Variants in CSMD1 observed in about 807,000 individuals in gnomAD.
The protein encoded by CSMD1 is CUB and Sushi multiple domains 1.
CSMD1 carries 213 observed loss-of-function variants against 417.5 expected under a neutral mutation model. That is an observed-to-expected ratio of 0.51 (90% CI 0.46 to 0.57). CSMD1 has a LOEUF of 0.57. Ranked by LOEUF, CSMD1 falls within the 20% of genes least tolerant of loss-of-function variation. The pLI is 0.00. For missense variants in CSMD1, 6,923 were observed against 4,529.7 expected (o/e 1.53, Z -15.17); for synonymous variants, 2,862 against 1,736.8 (o/e 1.65, Z -16.11).
Position 4,894,869 on chromosome 8 carries a change from T to C in CSMD1, c.85+99463A>G, listed in dbSNP as rs190465557. Among the ~76,000 whole-genome samples the C allele has an allele frequency of 3.1e-4, 47 of 152,266 alleles. No homozygotes were observed. In the East Asian group the frequency reaches 8.3e-3, roughly 27 times the overall value. On this transcript the variant is annotated intron_variant, in intron 1 of 69. Transcript: ENST00000635120. ...TATTAAGGTTCTCTGTGTGACTTTA[T>C]ATGTTATTGTTCATGAATCCTTGCC...
At chr8:4,494,462 T>A (rs1030809191) in intron 2 of CSMD1, among the ~76,000 whole-genome samples, 2 of 152,226 alleles carry the variant, frequency 1.3e-5, no homozygotes, top group Non-Finnish European at 2.9e-5. Context: ...AACATTATTA[T>A]ACTTTCATGT....
intron 6 of CSMD1, among the ~76,000 whole-genome samples, chr8:3,745,106 T>C (rs1362013605): frequency 1.3e-5 from 2 of 152,230 alleles, no homozygotes; most frequent in Non-Finnish European, 2.9e-5. Flanking sequence ...GCCCTAGATA[T>C]GTGTCTTGAG....
intron 47 of CSMD1, among the ~76,000 whole-genome samples, chr8:3,093,763 A>T (rs1815110502): frequency 6.6e-6 from 1 of 152,134 alleles, no homozygotes; most frequent in African/African-American, 2.4e-5. Flanking sequence ...CGAACAAAAA[A>T]CCACAAACCA....
At chr8:4,234,265 G>A (rs1056731206) in intron 3 of CSMD1, among the ~76,000 whole-genome samples, 3 of 152,178 alleles carry the variant, frequency 2.0e-5, no homozygotes, top group Non-Finnish European at 4.4e-5. Flanking sequence ...GAATGAACAA[G>A]ACTTACACGA....
intron 41 of CSMD1, chr8:3,127,621 C>T (rs551761814): frequency 6.6e-6 from 1 of 152,212 alleles, no homozygotes; most frequent in African/African-American, 2.4e-5. Context: ...AGATTTAACA[C>T]ATTCGATTAT....
chr8:3,397,225 G>C (rs528446524), intron 16 of CSMD1, among the ~76,000 whole-genome samples: 2 of 152,186 alleles, frequency 1.3e-5, no homozygotes, highest in Non-Finnish European at 2.9e-5. Flanking sequence ...AGCGTCATAA[G>C]ACTCTGACTC....
rs111301421 is a variant in CSMD1, at chr8:3,952,356, T to G, written c.818+45547A>C. Reference sequence around the variant, plus strand: ...ATAGAATAATTCAACCATCTTCTGTTGAACCAAACATAAAATAGATTTAAT... The same window carrying G: ...ATAGAATAATTCAACCATCTTCTGTGGAACCAAACATAAAATAGATTTAAT... On this transcript the variant is annotated intron_variant, in intron 5 of 69. Coordinates refer to ENST00000635120, the MANE Select transcript of CSMD1 (RefSeq NM_033225.6). Among the ~76,000 whole-genome samples, 1,379 of 152,312 alleles carry G rather than the reference T, an allele frequency of 9.1e-3. 17 individuals are homozygous for G. Among genetic ancestry groups the G allele is most frequent in the African/African-American group, 0.028 (1,181 of 41,572 alleles).
intron 1 of CSMD1, among the ~76,000 whole-genome samples, chr8:4,942,745 A>T (rs1251420349): frequency 1.3e-5 from 2 of 152,226 alleles, no homozygotes; most frequent in African/African-American, 2.4e-5. Context: ...CTTCATCAAC[A>T]CAGACAGGGA....
In CSMD1 at chr8:4,031,843, G is replaced by C. The variant is rs114322093; in HGVS notation, c.610+62C>G. 8.7e-4 allele frequency: 1,098 copies of C among 1,269,220 alleles called. 7 individuals carry two copies. The African/African-American group carries it at 0.015, about 17-fold the overall frequency. 78.6% of individuals were successfully genotyped at this position (1,269,220 alleles called of 1,614,324 possible). A position where few individuals can be genotyped will look rare whatever the true frequency, so the allele number is the denominator to read the frequency against. On this transcript the variant is annotated intron_variant, in intron 4 of 69. Transcript: ENST00000635120. ...CATTTAAGTGGAAACTTTCATAAAA[G>C]CATCTCCAAAACCATTGCCCTGCCC...
At position 4,203,308 on chromosome 8, in the gene CSMD1, C is replaced by A. The variant is rs145579893; in HGVS notation, c.416-171209G>T. Among the ~76,000 whole-genome samples, 519 of 152,212 alleles carry A rather than the reference C, an allele frequency of 3.4e-3. 4 individuals carry two copies. The highest frequency in any genetic ancestry group is 0.012 in the African/African-American group (493 of 41,534). ...AAAGAACACAGGCCCCTCAACACCA[C>A]GGGGTCGGCTCAGGGAGACCCATCT... On this transcript the variant is annotated intron_variant, in intron 3 of 69. Coordinates refer to ENST00000635120, the MANE Select transcript of CSMD1 (RefSeq NM_033225.6).
intron 6 of CSMD1, among the ~76,000 whole-genome samples, chr8:3,733,178 C>T (rs1306590787): frequency 1.3e-5 from 1 of 77,720 alleles, no homozygotes; most frequent in African/African-American, 3.5e-5. Context: ...TACACACACA[C>T]ACACACACAC....
At chr8:3,827,464 G>A (rs777143772) in intron 5 of CSMD1, among the ~76,000 whole-genome samples, 1 of 152,194 alleles carries the variant, frequency 6.6e-6, no homozygotes, top group African/African-American at 2.4e-5. Context: ...TGCAAAACCT[G>A]TGTGGTCTTT....
intron 10 of CSMD1, among the ~76,000 whole-genome samples, chr8:3,510,233 C>T (rs1039860709): frequency 5.3e-5 from 8 of 151,796 alleles, no homozygotes; most frequent in African/African-American, 7.3e-5. Flanking sequence ...GAGAAGTGGC[C>T]GACTCCTGCC....
intron 26 of CSMD1, among the ~76,000 whole-genome samples, chr8:3,236,596 CA>C (rs1278663162): frequency 6.6e-6 from 1 of 152,210 alleles, no homozygotes; most frequent in Non-Finnish European, 1.5e-5. Flanking sequence ...AACCCCCACC[CA>C]GGGGCACTCC....
intron 3 of CSMD1, among the ~76,000 whole-genome samples, chr8:4,318,608 T>G (rs988149488): frequency 4.6e-5 from 7 of 152,086 alleles, no homozygotes; most frequent in East Asian, 1.9e-4. Context: ...TTACCCTTAT[T>G]GAATTAGTAA....
In CSMD1 at chr8:3,636,918, C is replaced by G. The variant is rs749667098; in HGVS notation, c.1010-20121G>C. Among the ~76,000 whole-genome samples the G allele has an allele frequency of 1.5e-4, 23 of 152,084 alleles. 1 individual carries two copies. Among genetic ancestry groups the G allele is most frequent in the Non-Finnish European group, 3.4e-4 (23 of 68,018 alleles). Reference sequence around the variant, plus strand: ...GTAACTAGGTCATGAGTTCTCTGCCCTCATGAATGAATTAGTATCATTATT... The same window carrying G: ...GTAACTAGGTCATGAGTTCTCTGCCGTCATGAATGAATTAGTATCATTATT... On this transcript the variant is annotated intron_variant, in intron 7 of 69. Coordinates refer to ENST00000635120, the MANE Select transcript of CSMD1 (RefSeq NM_033225.6).
At chr8:3,516,175 A>G (rs1410411050) in intron 10 of CSMD1, among the ~76,000 whole-genome samples, 2 of 152,314 alleles carry the variant, frequency 1.3e-5, no homozygotes, top group Admixed American at 6.5e-5. Flanking sequence ...ATCCTTATCC[A>G]CTAATATTGT....
chr8:4,078,623 G>C (rs1259086434), intron 3 of CSMD1, among the ~76,000 whole-genome samples: 1 of 148,630 alleles, frequency 6.7e-6, no homozygotes, highest in Non-Finnish European at 1.5e-5. Flanking sequence ...TTTTTTTTTA[G>C]TTTTTCTGTA....
chr8:4,375,055 A>G (rs548178902), intron 3 of CSMD1, among the ~76,000 whole-genome samples: 2 of 151,286 alleles, frequency 1.3e-5, no homozygotes, highest in Non-Finnish European at 2.9e-5. Context: ...AGAGGCTGTT[A>G]TAGGTAGAAA....
Sources: gnomAD v4.1 joint callset for allele counts (sites outside exome capture counted in the v4.1 genomes callset) on GRCh38, gnomAD v4.1.1 for gene constraint, MANE v1.5 for transcripts, NCBI Gene and HGNC (gene_info 2026-07-23, HGNC 2026-07-21) for gene names.